The following ZBTB8B variants were observed in gnomAD, a reference collection of about 807,000 sequenced individuals.
The protein encoded by ZBTB8B is zinc finger and BTB domain-containing protein 8B.
ZBTB8B carries 17 observed loss-of-function variants against 30.3 expected under a neutral mutation model. That is an observed-to-expected ratio of 0.56 (90% CI 0.38 to 0.84). The LOEUF (loss-of-function observed/expected upper bound fraction) is 0.84, where lower values mean the gene tolerates loss of function less well. Ranked by LOEUF, ZBTB8B falls within the 40% of genes least tolerant of loss-of-function variation. The pLI is 0.00. For missense variants in ZBTB8B, 515 were observed against 644.9 expected, an observed-to-expected ratio of 0.80 and a Z score of 2.18; for synonymous variants, 248 against 255.6, an observed-to-expected ratio of 0.97 and a Z score of 0.28.
Position 32,491,077 on chromosome 1 carries a change from G to A in ZBTB8B, c.*5659G>A, listed in dbSNP as rs995573285. ...GGGGCAATTTTTATATCCATCATTT[G>A]ATTTCTGGACCTTTGTCAGTTAATC... On this transcript the variant is annotated 3_prime_UTR_variant, in exon 4 of 4. Coordinates refer to ENST00000609129, the MANE Select transcript of ZBTB8B (RefSeq NM_001145720.2). The A allele has an allele frequency of 8.5e-5, 13 of 152,114 alleles. No individual in the cohort carries two copies. Among genetic ancestry groups the A allele is most frequent in the African/African-American group, 3.1e-4 (13 of 41,422 alleles). The allele number at this position is 152,114 out of a possible 1,614,324, so 9.4% of individuals were successfully genotyped here.
chr1:32,471,185 G>C lies in ZBTB8B; in HGVS notation c.561G>C (p.Glu187Asp), dbSNP rs2148180921. The change falls in exon 2 of 4, where the codon GAG becomes GAC. Residue 187 changes from glutamate (E) to aspartate (D), a missense_variant. This residue lies in a region of ZBTB8B where 429 missense variants were observed against 504.3 expected (regional missense o/e 0.85). Transcript: ENST00000609129. ...SSPAEGEKSV[E>D]CLRESPCGDC... is the part of the protein sequence containing the mutation. ...CAGCCGAGGGAGAAAAGAGCGTGGA[G>C]TGCCTGAGAGAGTCCCCTTGCGGTG... 1.3e-6 allele frequency: 2 copies of C among 1,551,902 alleles called. No homozygotes were observed. The highest frequency in any genetic ancestry group is 1.7e-6 in the Non-Finnish European group (2 of 1,147,040).
rs970973829 is a variant in ZBTB8B, at chr1:32,496,366, A to G, written c.*10948A>G. 1 of 152,240 alleles carries G rather than the reference A, an allele frequency of 6.6e-6. No individual in the cohort carries two copies. Among genetic ancestry groups the G allele is most frequent in the African/African-American group, 2.4e-5 (1 of 41,466 alleles). 9.4% of individuals were successfully genotyped at this position (152,240 alleles called of 1,614,324 possible). A position where few individuals can be genotyped will look rare whatever the true frequency, so the allele number is the denominator to read the frequency against. ...CACTGTCCAACAGCTCTCGGAAGAA[A>G]AACAGAAACTGACTTTATCTTTGCC... On this transcript the variant is annotated 3_prime_UTR_variant, in exon 4 of 4. Coordinates refer to ENST00000609129, the MANE Select transcript of ZBTB8B (RefSeq NM_001145720.2).
At chr1:32,483,116 C>G (rs1159922746) in intron 3 of ZBTB8B, among the ~76,000 whole-genome samples, 1 of 151,710 alleles carries the variant, frequency 6.6e-6, no homozygotes, top group African/African-American at 2.4e-5. Flanking sequence ...CTAGGCCCAG[C>G]ACGGTGGCTC....
Position 32,481,936 on chromosome 1 carries a change from T to C in ZBTB8B, c.1170+867T>C, listed in dbSNP as rs111346961. Among the ~76,000 whole-genome samples, 9 of 152,228 alleles carry C rather than the reference T, an allele frequency of 5.9e-5. 1 individual carries two copies. Among genetic ancestry groups the C allele is most frequent in the African/African-American group, 2.2e-4 (9 of 41,546 alleles). ...ATCCATGTTCCCACAAAACACATGA[T>C]CTCATTCTTTTTAATGGCTGCAGAT... On this transcript the variant is annotated intron_variant, in intron 3 of 3. Coordinates refer to ENST00000609129, the MANE Select transcript of ZBTB8B (RefSeq NM_001145720.2).
chr1:32,474,967 A>G (rs1318476503), intron 2 of ZBTB8B, among the ~76,000 whole-genome samples: 1 of 152,210 alleles, frequency 6.6e-6, no homozygotes, highest in Non-Finnish European at 1.5e-5. Context: ...GGAAATAGGC[A>G]TTTGGCTCTG....
In ZBTB8B at chr1:32,491,000, G is replaced by C. The variant is rs1331609796; in HGVS notation, c.*5582G>C. ...ATTTAGCATCCGTCTTGACCCTCCA[G>C]GTAGATTATTTTACTACTGCCAATT... On this transcript the variant is annotated 3_prime_UTR_variant, in exon 4 of 4. Coordinates refer to ENST00000609129, the MANE Select transcript of ZBTB8B (RefSeq NM_001145720.2). 6.6e-6 allele frequency: 1 copy of C among 152,184 alleles called. No homozygotes were observed. The highest frequency in any genetic ancestry group is 2.4e-5 in the African/African-American group (1 of 41,442). The allele number at this position is 152,184 out of a possible 1,614,324, so 9.4% of individuals were successfully genotyped here. A position where few individuals can be genotyped will look rare whatever the true frequency, so the allele number is the denominator to read the frequency against.
In ZBTB8B at chr1:32,471,164, C is replaced by CGA; in HGVS notation, c.542_543dup (p.Gly182ArgfsTer9). On this transcript the variant is annotated frameshift_variant, in exon 2 of 4. Transcript: ENST00000609129. LOFTEE classifies it high-confidence loss of function. ...CCAAGAGCTTGGTCTCCTCTCCAGC[C>CGA]GAGGGAGAAAAGAGCGTGGAGTGCC... 1 of 1,551,794 alleles carries CGA rather than the reference C, an allele frequency of 6.4e-7. No homozygotes were observed. Among genetic ancestry groups the CGA allele is most frequent in the Non-Finnish European group, 8.7e-7 (1 of 1,147,024 alleles).
At chr1:32,471,769 C>A (rs767427206) in intron 2 of ZBTB8B, among the ~76,000 whole-genome samples, 154 bp downstream of exon 2, 1 of 152,178 alleles carries the variant, frequency 6.6e-6, no homozygotes, top group Admixed American at 6.5e-5. Flanking sequence ...TCATTACCAT[C>A]ATCACCAGTA....
chr1:32,470,512 A>AAG, intron 1 of ZBTB8B, 72 bp from the exon 2 acceptor site: 3 of 1,083,156 alleles, frequency 2.8e-6, no homozygotes, highest in East Asian at 7.1e-5. Context: ...AAAAAAAAAA[A>AAG]AAAAAAAAAA....
chr1:32,485,226 T>A lies in ZBTB8B; in HGVS notation c.1296T>A (p.Asp432Glu). The A allele has an allele frequency of 1.3e-6, 2 of 1,551,550 alleles. No homozygotes were observed. The highest frequency in any genetic ancestry group is 2.4e-5 in the East Asian group (1 of 40,916). ...DSCTCVTDTP[D>E]DDDDLMPINL... ...GCACCTGCGTTACAGACACACCCGA[T>A]GATGATGATGATTTGATGCCCATCA... The change falls in exon 4 of 4, where the codon GAT (aspartate) becomes GAA (glutamate). Residue 432 changes from aspartate (D) to glutamate (E), a missense_variant. This residue lies in a region of ZBTB8B where 429 missense variants were observed against 504.3 expected (regional missense o/e 0.85). Transcript: ENST00000609129.
At chr1:32,472,645 G>A (rs529664367) in intron 2 of ZBTB8B, among the ~76,000 whole-genome samples, 10 of 152,218 alleles carry the variant, frequency 6.6e-5, no homozygotes, top group Admixed American at 3.9e-4. Context: ...ACAGGGTCTC[G>A]CTCTGTCACC....
intron 2 of ZBTB8B, among the ~76,000 whole-genome samples, chr1:32,480,001 C>T (rs1449523550): frequency 6.6e-6 from 1 of 152,094 alleles, no homozygotes; most frequent in African/African-American, 2.4e-5. Context: ...AACTACTGTC[C>T]AAGAAAGCAT....
chr1:32,485,429 G>A lies in ZBTB8B; in HGVS notation c.*11G>A. 6.5e-7 allele frequency: 1 copy of A among 1,544,430 alleles called. No homozygotes were observed. Among genetic ancestry groups the A allele is most frequent in the Non-Finnish European group, 8.8e-7 (1 of 1,141,060 alleles). On this transcript the variant is annotated 3_prime_UTR_variant, in exon 4 of 4. Transcript: ENST00000609129. ...GAGACACTTACGTAGCAATAAATTGGTGGGGAAGAGGAGGTTTTAAAACTT... is the reference window on the plus strand; with the variant it reads ...GAGACACTTACGTAGCAATAAATTGATGGGGAAGAGGAGGTTTTAAAACTT...
intron 2 of ZBTB8B, among the ~76,000 whole-genome samples, chr1:32,471,836 A>C (rs570576891): frequency 3.3e-5 from 5 of 151,982 alleles, no homozygotes; most frequent in Admixed American, 1.3e-4. Flanking sequence ...TACCATCATC[A>C]CCAGTACCAT....
At position 32,481,068 on chromosome 1, in the gene ZBTB8B, G is replaced by C; in HGVS notation, c.1169G>C (p.Ser390Thr). 6.5e-7 allele frequency: 1 copy of C among 1,548,812 alleles called. No individual in the cohort carries two copies. Among genetic ancestry groups the C allele is most frequent in the Non-Finnish European group, 8.7e-7 (1 of 1,145,026 alleles). Residue 390 changes from serine to threonine, a missense_variant and splice_region_variant, in exon 3 of 4, where the codon AGT becomes ACT. By Grantham distance (58) the Ser-to-Thr change is moderately conservative (BLOSUM62 1). Coordinates refer to ENST00000609129, the MANE Select transcript of ZBTB8B (RefSeq NM_001145720.2). ...RQEHLRSHAL[S>T]VHRSNRPIIC... ...GAGCACCTGCGGAGCCACGCACTGA[G>C]TGTAAGTGTTCGAGCTGGCCATGCC...
chr1:32,472,033 CCAT>C (rs1466087809), intron 2 of ZBTB8B, among the ~76,000 whole-genome samples: 1 of 150,864 alleles, frequency 6.6e-6, no homozygotes, highest in African/African-American at 2.4e-5. Context: ...ATCACCAGTA[CCAT>C]CATCATTACC....
Position 32,484,802 on chromosome 1 carries a change from C to T in ZBTB8B, c.1171-299C>T, listed in dbSNP as rs1643731363. On this transcript the variant is annotated intron_variant, in intron 3 of 3. Transcript: ENST00000609129. This position sits in a 1 kb window ranked among gnomAD's most constrained non-coding sequence, Gnocchi z 4.5. ...TGCCGGCTCCCCCTTTGTCTTCTGC[C>T]ACAATTGTAAGTTTCCTGAGGCCTC... Among the ~76,000 whole-genome samples, 1 of 152,082 alleles carries T rather than the reference C, an allele frequency of 6.6e-6. No individual in the cohort carries two copies. Among genetic ancestry groups the T allele is most frequent in the Admixed American group, 6.6e-5 (1 of 15,264 alleles).
chr1:32,485,484 C>A lies in ZBTB8B; in HGVS notation c.*66C>A. The A allele has an allele frequency of 6.8e-7, 1 of 1,460,166 alleles. No individual in the cohort carries two copies. Among genetic ancestry groups the A allele is most frequent in the Admixed American group, 2.2e-5 (1 of 45,744 alleles). 90.5% of individuals were successfully genotyped at this position (1,460,166 alleles called of 1,614,324 possible). ...GTGCTCGTTCTGTTGTTGAAAGATA[C>A]CATTTGTCCAATTTTGTGGAACCCT... On this transcript the variant is annotated 3_prime_UTR_variant, in exon 4 of 4. Coordinates refer to ENST00000609129, the MANE Select transcript of ZBTB8B (RefSeq NM_001145720.2).
At chr1:32,471,740 A>G in intron 2 of ZBTB8B, 125 bp downstream of exon 2, 1 of 1,078,752 alleles carries the variant, frequency 9.3e-7, no homozygotes, top group Admixed American at 2.7e-5. Context: ...TATCAGTACC[A>G]TCATCACCAG....
Sources: allele counts gnomAD v4.1 joint callset (sites outside exome capture counted in the v4.1 genomes callset), GRCh38; gene constraint gnomAD v4.1.1; regional missense constraint gnomAD v4.1.1; non-coding constraint Gnocchi (gnomAD v3.1); transcripts MANE v1.5; gene names NCBI Gene and HGNC (gene_info 2026-07-23, HGNC 2026-07-21).